Variants in ARMH3 observed in about 807,000 individuals in gnomAD.
ARMH3 encodes the protein armadillo like helical domain containing 3.
Under a neutral mutation model 99.1 loss-of-function variants are expected in ARMH3, and 60 were observed. The observed-to-expected ratio is 0.61, with a 90% CI of 0.49 to 0.75. The LOEUF (loss-of-function observed/expected upper bound fraction) is 0.75, where lower values mean the gene tolerates loss of function less well. ARMH3 is among the 30% of genes least tolerant of loss of function. The pLI is 0.00. For synonymous variants in ARMH3, 285 were observed against 292.8 expected (o/e 0.97, Z 0.27); for missense variants, 679 against 843.1 (o/e 0.81, Z 2.41).
chr10:101,902,766 G>C (rs1366137538), intron 23 of ARMH3, among the ~76,000 whole-genome samples: 1 of 152,094 alleles, frequency 6.6e-6, no homozygotes, highest in African/African-American at 2.4e-5. Flanking sequence ...GCCCAGGAGA[G>C]GACTTAATGG....
chr10:102,042,224 A>G (rs778636272), intron 1 of ARMH3, among the ~76,000 whole-genome samples: 1 of 152,246 alleles, frequency 6.6e-6, no homozygotes, highest in Non-Finnish European at 1.5e-5. Flanking sequence ...ATAAATCAAA[A>G]GCAATGCAAT....
chr10:101,928,518 C>T, intron 23 of ARMH3, among the ~76,000 whole-genome samples: 1 of 152,056 alleles, frequency 6.6e-6, no homozygotes, highest in South Asian at 2.1e-4. Context: ...AAAGACAGGG[C>T]ACAAGCCAGG....
intron 24 of ARMH3, among the ~76,000 whole-genome samples, chr10:101,884,793 C>CAAAAA (rs35682779): frequency 8.7e-5 from 13 of 149,906 alleles, no homozygotes; most frequent in Non-Finnish European, 1.6e-4. Flanking sequence ...AACAAACAAA[C>CAAAAA]AAAAAAAAAC....
intron 24 of ARMH3, among the ~76,000 whole-genome samples, chr10:101,864,993 G>A (rs903057284): frequency 1.3e-5 from 2 of 151,802 alleles, no homozygotes; most frequent in Non-Finnish European, 2.9e-5. Context: ...GAGGCGGGCA[G>A]ATCACAAGGT....
chr10:101,997,044 C>T (rs935255770), intron 15 of ARMH3, among the ~76,000 whole-genome samples: 2 of 152,230 alleles, frequency 1.3e-5, no homozygotes, highest in Middle Eastern at 3.4e-3. Flanking sequence ...GTGGGATGAT[C>T]ACCTGAGGTC....
In ARMH3 at chr10:101,847,046, A is replaced by G; in HGVS notation, c.*482T>C. The G allele has an allele frequency of 6.4e-6, 1 of 156,664 alleles. No homozygotes were observed. The highest frequency in any genetic ancestry group is 1.4e-5 in the Non-Finnish European group (1 of 70,780). The allele number at this position is 156,664 out of a possible 1,614,324, so 9.7% of individuals were successfully genotyped here. On this transcript the variant is annotated 3_prime_UTR_variant, in exon 26 of 26. Transcript: ENST00000370033. Reference sequence around the variant, plus strand: ...CGATGACTGGACAAAGTGCCAGTGCAGGCAGGGGACACAGATTTCAAGCCA... The same window carrying G: ...CGATGACTGGACAAAGTGCCAGTGCGGGCAGGGGACACAGATTTCAAGCCA...
intron 14 of ARMH3, among the ~76,000 whole-genome samples, chr10:102,005,061 G>A (rs1022366061): frequency 7.2e-5 from 11 of 152,234 alleles, no homozygotes; most frequent in South Asian, 2.1e-4. Flanking sequence ...AAAATTAGCC[G>A]GGCATGGTGG....
At chr10:101,992,074 G>A (rs370109650) in intron 17 of ARMH3, 36 bp from the exon 18 acceptor site, 3 of 1,559,464 alleles carry the variant, frequency 1.9e-6, no homozygotes, top group Non-Finnish European at 8.8e-7. Flanking sequence ...GAAATTAGTA[G>A]ACACCGGCAC....
chr10:101,991,941 A>G lies in ARMH3; in HGVS notation c.1345+28T>C, dbSNP rs1175775342. 4.4e-6 allele frequency: 7 copies of G among 1,590,582 alleles called. No homozygotes were observed. The Admixed American group carries it at 8.4e-5, about 19-fold the overall frequency. On this transcript the variant is annotated intron_variant, in intron 18 of 25. Transcript: ENST00000370033. ...TGAAAGCCTATCGCTGTCACAGAAC[A>G]ATGTCAATGTTGATGATACTCACTC...
intron 22 of ARMH3, among the ~76,000 whole-genome samples, chr10:101,940,968 A>C (rs1844217600): frequency 6.6e-6 from 1 of 152,228 alleles, no homozygotes; most frequent in Admixed American, 6.5e-5. Flanking sequence ...TGAATGGCTA[A>C]TTAATAAGGG....
At chr10:101,996,916 C>T (rs909227328) in intron 15 of ARMH3, among the ~76,000 whole-genome samples, 2 of 151,994 alleles carry the variant, frequency 1.3e-5, no homozygotes, top group African/African-American at 4.8e-5. Flanking sequence ...TAAGGTGACA[C>T]CACCAAAGTC....
chr10:101,993,520 A>G lies in ARMH3; in HGVS notation c.1275+18T>C, dbSNP rs749515120. 31 of 1,568,620 alleles carry G rather than the reference A, an allele frequency of 2.0e-5. No individual in the cohort carries two copies. The highest frequency in any genetic ancestry group is 2.6e-5 in the Non-Finnish European group (30 of 1,158,322). On this transcript the variant is annotated intron_variant, in intron 17 of 25. Coordinates refer to ENST00000370033, the MANE Select transcript of ARMH3 (RefSeq NM_024541.3). ...AAATTTCCTCTAAGAAAAAACAAGA[A>G]GCAAAAGAAACACCTACCATTCTAT... is the stretch of plus-strand genomic sequence containing the variant.
intron 23 of ARMH3, among the ~76,000 whole-genome samples, chr10:101,920,915 T>C (rs1015929973): frequency 6.6e-6 from 1 of 152,264 alleles, no homozygotes; most frequent in Admixed American, 6.5e-5. Context: ...TACACTATGA[T>C]TCCACTATAA....
intron 1 of ARMH3, among the ~76,000 whole-genome samples, chr10:102,052,488 T>G (rs764195574): frequency 3.3e-5 from 5 of 152,162 alleles, no homozygotes; most frequent in Admixed American, 6.5e-5. Flanking sequence ...CCTCCCAAAG[T>G]GCTGGGATTA....
intron 22 of ARMH3, among the ~76,000 whole-genome samples, chr10:101,943,921 G>A (rs958755160): frequency 2.8e-4 from 43 of 151,476 alleles, no homozygotes; most frequent in Admixed American, 7.2e-4. Context: ...AAAATTAGCC[G>A]GGTGTGGTGG....
At chr10:102,026,743 G>A (rs1042076980) in intron 5 of ARMH3, among the ~76,000 whole-genome samples, 1 of 152,164 alleles carries the variant, frequency 6.6e-6, no homozygotes, top group African/African-American at 2.4e-5. Flanking sequence ...TCCTGTTAGT[G>A]ACAGGAGACT....
At chr10:101,990,413 C>A (rs770076749) in intron 19 of ARMH3, 138 bp downstream of exon 19, 1 of 568,708 alleles carries the variant, frequency 1.8e-6, no homozygotes, top group African/African-American at 1.9e-5. Flanking sequence ...CCTTGTGATC[C>A]GCCCGCCTCG....
intron 5 of ARMH3, among the ~76,000 whole-genome samples, chr10:102,028,019 G>C (rs1043040843): frequency 4.7e-5 from 7 of 148,020 alleles, no homozygotes; most frequent in African/African-American, 1.7e-4. Context: ...CCCCCATCTA[G>C]AAATGGACAA....
At chr10:101,902,533 G>A (rs1258426225) in intron 23 of ARMH3, among the ~76,000 whole-genome samples, 2 of 152,078 alleles carry the variant, frequency 1.3e-5, no homozygotes, top group Non-Finnish European at 2.9e-5. Flanking sequence ...GATGTTGGAG[G>A]TCTCACAGCA....
Sources: gnomAD v4.1 joint callset for allele counts (sites outside exome capture counted in the v4.1 genomes callset) on GRCh38, gnomAD v4.1.1 for gene constraint, MANE v1.5 for transcripts, NCBI Gene and HGNC (gene_info 2026-07-23, HGNC 2026-07-21) for gene names.